Variants in GALM observed in about 807,000 individuals in gnomAD.
GALM encodes galactose mutarotase.
GALM carries 43 observed loss-of-function variants against 37.4 expected under a neutral mutation model. The ratio of observed to expected loss-of-function variants is 1.15; its 90% confidence interval spans 0.90 to 1.48. GALM has a LOEUF of 1.48. Among genes scored for constraint, GALM ranks in the 40% most tolerant of loss-of-function variants. The pLI is 0.00. For missense variants in GALM, 456 were observed against 419.1 expected (o/e 1.09, Z -0.77); for synonymous variants, 199 against 170.6 (o/e 1.17, Z -1.30).
chr2:38,729,792 T>C, intron 5 of GALM, 95 bp downstream of exon 5: 1 of 1,028,972 alleles, frequency 9.7e-7, no homozygotes, highest in Non-Finnish European at 1.5e-6. Flanking sequence ...TCAATAGCAT[T>C]TACTATGCTA....
At chr2:38,719,018 C>T (rs1666323979) in intron 4 of GALM, among the ~76,000 whole-genome samples, 1 of 151,830 alleles carries the variant, frequency 6.6e-6, no homozygotes, top group Admixed American at 6.6e-5. Flanking sequence ...CTTCAGTCTT[C>T]CCCCTCAAAA....
At chr2:38,701,265 A>G (rs572934974) in intron 4 of GALM, among the ~76,000 whole-genome samples, 1 of 152,360 alleles carries the variant, frequency 6.6e-6, no homozygotes, top group African/African-American at 2.4e-5. Context: ...CAGCCTGCCC[A>G]GCAAGACATT....
At chr2:38,672,441 G>C (rs569335930) in intron 1 of GALM, among the ~76,000 whole-genome samples, 212 of 152,302 alleles carry the variant, frequency 1.4e-3, no homozygotes, top group African/African-American at 4.7e-3. Flanking sequence ...AGAAAGAGAA[G>C]AAGGTGGGGA....
At chr2:38,671,778 G>C (rs1665110666) in intron 1 of GALM, among the ~76,000 whole-genome samples, 1 of 152,108 alleles carries the variant, frequency 6.6e-6, no homozygotes, top group Non-Finnish European at 1.5e-5. Context: ...GATCACTTGA[G>C]CTCAGGAGTT....
rs768642413 is a variant in GALM at position 38,666,159 on chromosome 2, C to G, written c.-3C>G. The G allele has an allele frequency of 6.2e-7, 1 of 1,609,420 alleles. No homozygotes were observed. The highest frequency in any genetic ancestry group is 1.1e-5 in the South Asian group (1 of 90,460). Reference sequence around the variant, plus strand: ...CAGTGGCTGCACACGCCAAACTTTCCCTATGGCTTCGGTGACCAGGGCCGT... The same window carrying G: ...CAGTGGCTGCACACGCCAAACTTTCGCTATGGCTTCGGTGACCAGGGCCGT... On this transcript the variant is annotated 5_prime_UTR_variant, in exon 1 of 7. Transcript: ENST00000272252.
intron 4 of GALM, among the ~76,000 whole-genome samples, chr2:38,726,014 G>A (rs1666478707): frequency 6.6e-6 from 1 of 151,768 alleles, no homozygotes; most frequent in East Asian, 1.9e-4. Flanking sequence ...GCAAGTCTGG[G>A]AGGTAGTATA....
chr2:38,682,679 C>T (rs1665424800), intron 3 of GALM, among the ~76,000 whole-genome samples: 1 of 152,034 alleles, frequency 6.6e-6, no homozygotes, highest in Admixed American at 6.6e-5. Flanking sequence ...AGTGAATCAC[C>T]TGAGGTTAGG....
chr2:38,711,780 TGTCACCACCATCACCATCACC>T (rs1558591917), intron 4 of GALM, among the ~76,000 whole-genome samples: 12 of 62,208 alleles, frequency 1.9e-4, no homozygotes, highest in East Asian at 5.4e-4. Context: ...TCACCATCAC[TGTCACCACCATCACCATCACC>T]ATCACCATCA....
chr2:38,708,744 A>AAG (rs1666093984), intron 4 of GALM, among the ~76,000 whole-genome samples: 1 of 152,018 alleles, frequency 6.6e-6, no homozygotes, highest in Non-Finnish European at 1.5e-5. Context: ...AAAAAAAAAA[A>AAG]AAAAAGAAAG....
intron 1 of GALM, among the ~76,000 whole-genome samples, chr2:38,667,424 G>A (rs1159485497): frequency 6.6e-6 from 1 of 150,968 alleles, no homozygotes; most frequent in South Asian, 2.1e-4. Context: ...AAAAAAATTA[G>A]CTGAGCATGG....
In GALM at chr2:38,689,800, C is replaced by G. The variant is rs1469434875; in HGVS notation, c.553-13C>G. 6.5e-7 allele frequency: 1 copy of G among 1,540,086 alleles called. No homozygotes were observed. The highest frequency in any genetic ancestry group is 8.9e-7 in the Non-Finnish European group (1 of 1,121,308). The stretch of plus-strand genomic sequence containing the variant: ...ACTAAGCAGAAAACCTTTCCCCTAC[C>G]TTTTCCTCCCAGGCTTCCCCAAATA... On this transcript the variant is annotated splice_polypyrimidine_tract_variant and intron_variant, in intron 3 of 6. Transcript: ENST00000272252.
intron 4 of GALM, among the ~76,000 whole-genome samples, chr2:38,717,603 T>C (rs752350194): frequency 1.3e-5 from 2 of 152,020 alleles, no homozygotes; most frequent in Non-Finnish European, 2.9e-5. Context: ...TTTTGCCGTG[T>C]TGGCCAGGCT....
Position 38,701,109 on chromosome 2 carries a change from C to T in GALM, c.634+11215C>T, listed in dbSNP as rs150441978. On this transcript the variant is annotated intron_variant, in intron 4 of 6. Coordinates refer to ENST00000272252, the MANE Select transcript of GALM (RefSeq NM_138801.3). ...CAAGTAGAAACAGATCCCTGGTACC[C>T]TGCTTAAGTATTACACCAGCTAGAT... Among the ~76,000 whole-genome samples, 29 of 152,354 alleles carry T rather than the reference C, an allele frequency of 1.9e-4. No homozygotes were observed. In the East Asian group the frequency reaches 4.4e-3, roughly 23 times the overall value.
At chr2:38,680,972 C>T (rs768959422) in intron 2 of GALM, among the ~76,000 whole-genome samples, 14 of 151,894 alleles carry the variant, frequency 9.2e-5, no homozygotes, top group South Asian at 2.1e-4. Context: ...CCCGTCTCTA[C>T]GAAAAATGCA....
At chr2:38,729,897 C>T (rs994552762) in intron 5 of GALM, among the ~76,000 whole-genome samples, 200 bp downstream of exon 5, 1 of 152,078 alleles carries the variant, frequency 6.6e-6, no homozygotes, top group African/African-American at 2.4e-5. Context: ...CTGCCATTAC[C>T]CCTATTCCCC....
Position 38,666,313 on chromosome 2 carries a change from G to A in GALM, c.152G>A (p.Arg51Lys). ...CTAGAGGTCAAAGACAGGCAGGGGAGAGCCTCGGACGTGGTGCTTGGCTTC... is the reference window on the plus strand; with the variant it reads ...CTAGAGGTCAAAGACAGGCAGGGGAAAGCCTCGGACGTGGTGCTTGGCTTC... ...TALEVKDRQG[R>K]ASDVVLGFAE... Residue 51 changes from arginine to lysine, a missense_variant, in exon 1 of 7, where the codon AGA becomes AAA. Coordinates refer to ENST00000272252, the MANE Select transcript of GALM (RefSeq NM_138801.3). The A allele has an allele frequency of 6.2e-7, 1 of 1,613,704 alleles. No homozygotes were observed. Among genetic ancestry groups the A allele is most frequent in the Non-Finnish European group, 8.5e-7 (1 of 1,179,798 alleles).
At chr2:38,673,809 CAAA>C (rs373671218) in intron 1 of GALM, among the ~76,000 whole-genome samples, 3 of 84,504 alleles carry the variant, frequency 3.6e-5, no homozygotes, top group African/African-American at 4.1e-5. Flanking sequence ...GACTCCGTCT[CAAA>C]AAAAAAAAAA....
At chr2:38,670,047 G>A (rs1665052434) in intron 1 of GALM, among the ~76,000 whole-genome samples, 1 of 151,926 alleles carries the variant, frequency 6.6e-6, no homozygotes, top group Non-Finnish European at 1.5e-5. Context: ...ATTTTTAGTA[G>A]AGACGGGGTT....
At chr2:38,705,847 T>A (rs944707781) in intron 4 of GALM, among the ~76,000 whole-genome samples, 2 of 152,162 alleles carry the variant, frequency 1.3e-5, no homozygotes, top group African/African-American at 4.8e-5. Flanking sequence ...TTTTTTTTAT[T>A]TTTTATTTTT....
Sources: allele counts gnomAD v4.1 joint callset (sites outside exome capture counted in the v4.1 genomes callset), GRCh38; gene constraint gnomAD v4.1.1; transcripts MANE v1.5; gene names NCBI Gene and HGNC (gene_info 2026-07-23, HGNC 2026-07-21).